Variants in CPQ observed in about 807,000 individuals in gnomAD.
The protein encoded by CPQ is carboxypeptidase Q.
Under a neutral mutation model 45.7 loss-of-function variants are expected in CPQ, and 37 were observed. That is an observed-to-expected ratio of 0.81 (90% CI 0.62 to 1.07). The LOEUF is 1.07. Ranked by LOEUF, CPQ falls within the 50% of genes least tolerant of loss-of-function variation. The pLI is 0.00. For synonymous variants in CPQ, 186 were observed against 205.8 expected, an observed-to-expected ratio of 0.90 and a Z score of 0.82; for missense variants, 537 against 572.9, an observed-to-expected ratio of 0.94 and a Z score of 0.64.
intron 1 of CPQ, among the ~76,000 whole-genome samples, chr8:96,721,341 C>A (rs1457544595): frequency 6.6e-6 from 1 of 151,996 alleles, no homozygotes; most frequent in Non-Finnish European, 1.5e-5. Flanking sequence ...AGTTTTTATT[C>A]TCTCAGAGAT....
chr8:97,054,891 CA>C (rs1379026726), intron 6 of CPQ, among the ~76,000 whole-genome samples: 1 of 151,574 alleles, frequency 6.6e-6, no homozygotes, highest in Non-Finnish European at 1.5e-5. Context: ...TCCATGTGAC[CA>C]AAAAACCACT....
intron 4 of CPQ, among the ~76,000 whole-genome samples, chr8:96,947,227 A>G (rs1813202754): frequency 6.6e-6 from 1 of 152,206 alleles, no homozygotes; most frequent in Non-Finnish European, 1.5e-5. Context: ...ACATGTATAT[A>G]TGCCATGTGC....
At position 96,857,869 on chromosome 8, in the gene CPQ, A is replaced by G. The variant is rs1811870763; in HGVS notation, c.642-21929A>G. Among the ~76,000 whole-genome samples, 3 of 152,218 alleles carry G rather than the reference A, an allele frequency of 2.0e-5. No individual in the cohort carries two copies. In the South Asian group the frequency reaches 6.2e-4, roughly 31 times the overall value. On this transcript the variant is annotated intron_variant, in intron 3 of 7. Transcript: ENST00000220763. ...GCTGTCAAAAACTGAGTTTAGCATCATGCTAAGCAGGCAGTATTCAATTCA... is the reference window on the plus strand; with the variant it reads ...GCTGTCAAAAACTGAGTTTAGCATCGTGCTAAGCAGGCAGTATTCAATTCA...
At chr8:96,709,211 A>G (rs1809574855) in intron 1 of CPQ, among the ~76,000 whole-genome samples, 1 of 152,014 alleles carries the variant, frequency 6.6e-6, no homozygotes, top group Non-Finnish European at 1.5e-5. Flanking sequence ...TGGACATTGT[A>G]CCCAATATGT....
intron 1 of CPQ, among the ~76,000 whole-genome samples, chr8:96,744,315 A>G (rs918732290): frequency 1.2e-4 from 18 of 152,358 alleles, no homozygotes; most frequent in African/African-American, 4.3e-4. Flanking sequence ...GAGTGAGGCA[A>G]TGCCTCGCCC....
At chr8:97,082,588 A>T (rs1366117946) in intron 7 of CPQ, among the ~76,000 whole-genome samples, 2 of 152,152 alleles carry the variant, frequency 1.3e-5, no homozygotes, top group Non-Finnish European at 2.9e-5. Flanking sequence ...AAATTAAAAC[A>T]CCTAGTCTCT....
Position 96,785,173 on chromosome 8 carries a change from C to T in CPQ, c.276C>T (p.Tyr92=). The part of the protein sequence containing the change: ...KNLEKAIQIM[Y]QNLQQDGLEK... ...TAGAAAAAGCCATCCAAATTATGTA[C>T]CAAAACCTGCAGCAAGATGGGCTGG... Residue 92 remains tyrosine, a synonymous_variant, in exon 2 of 8, where the codon TAC becomes TAT. Coordinates refer to ENST00000220763, the MANE Select transcript of CPQ (RefSeq NM_016134.4). 1 of 1,613,552 alleles carries T rather than the reference C, an allele frequency of 6.2e-7. No homozygotes were observed. Among genetic ancestry groups the T allele is most frequent in the Middle Eastern group, 1.7e-4 (1 of 6,054 alleles).
intron 6 of CPQ, among the ~76,000 whole-genome samples, chr8:97,043,996 C>T (rs949594522): frequency 2.6e-5 from 4 of 152,030 alleles, no homozygotes; most frequent in Non-Finnish European, 4.4e-5. Context: ...ATCTTTGTGG[C>T]GTTCTCTATA....
chr8:96,957,144 C>A (rs1443502839), intron 4 of CPQ, among the ~76,000 whole-genome samples: 1 of 152,150 alleles, frequency 6.6e-6, no homozygotes, highest in Non-Finnish European at 1.5e-5. Context: ...TCATAGGAAG[C>A]CATTCAGCTA....
intron 3 of CPQ, 31 bp downstream of exon 3, chr8:96,835,211 C>A (rs778948594): frequency 9.3e-6 from 13 of 1,396,708 alleles, no homozygotes; most frequent in Non-Finnish European, 1.0e-5. Flanking sequence ...GAATTCCTTT[C>A]AAAAACAAGG....
intron 7 of CPQ, among the ~76,000 whole-genome samples, chr8:97,122,973 AAATAAAAT>A (rs1484196507): frequency 1.2e-5 from 1 of 81,882 alleles, no homozygotes. Context: ...AAATAAAATA[AAATAAAAT>A]TAAAATAAAA....
chr8:97,125,446 C>T (rs1055794764), intron 7 of CPQ, among the ~76,000 whole-genome samples: 3 of 152,072 alleles, frequency 2.0e-5, no homozygotes, highest in African/African-American at 7.2e-5. Context: ...AACTATAGAC[C>T]AATATCCTTC....
intron 7 of CPQ, among the ~76,000 whole-genome samples, chr8:97,082,383 C>CA (rs34296926): frequency 0.091 from 13,865 of 152,202 alleles, 729 homozygotes; most frequent in South Asian, 0.11. Context: ...AGCCTGGCTC[C>CA]ATCCCTGTGG....
chr8:96,876,365 T>C (rs1812145338), intron 3 of CPQ, among the ~76,000 whole-genome samples: 1 of 152,092 alleles, frequency 6.6e-6, no homozygotes, highest in African/African-American at 2.4e-5. Flanking sequence ...AAAAAGATCA[T>C]GTCATCTGTG....
chr8:96,675,804 T>C (rs1809069932), intron 1 of CPQ, among the ~76,000 whole-genome samples: 1 of 152,038 alleles, frequency 6.6e-6, no homozygotes, highest in Non-Finnish European at 1.5e-5. Context: ...AGTTTAAGAA[T>C]CATTTGTATT....
intron 4 of CPQ, among the ~76,000 whole-genome samples, chr8:96,927,673 T>C (rs1188889688): frequency 2.0e-5 from 3 of 152,122 alleles, no homozygotes; most frequent in African/African-American, 7.2e-5. Context: ...CTATGCTGTC[T>C]CATTGGAGGG....
intron 1 of CPQ, among the ~76,000 whole-genome samples, chr8:96,659,096 G>A (rs905341683): frequency 6.6e-6 from 1 of 152,214 alleles, no homozygotes; most frequent in African/African-American, 2.4e-5. Flanking sequence ...TGCTCAGTTA[G>A]TATTAGCCAC....
chr8:96,842,959 C>A (rs1253836934), intron 3 of CPQ, among the ~76,000 whole-genome samples: 1 of 152,100 alleles, frequency 6.6e-6, no homozygotes, highest in Non-Finnish European at 1.5e-5. Flanking sequence ...GGCTGCAGTG[C>A]AAATGGCATG....
intron 7 of CPQ, among the ~76,000 whole-genome samples, chr8:97,123,025 AAATAAAATAAAATAAAAT>A (rs1811759462): frequency 1.0e-3 from 5 of 4,916 alleles, no homozygotes; most frequent in Non-Finnish European, 3.2e-3. Context: ...AAAATAAAAT[AAATAAAATAAAATAAAAT>A]AAATAAAATA....
Sources: gnomAD v4.1 joint callset for allele counts (sites outside exome capture counted in the v4.1 genomes callset) on GRCh38, gnomAD v4.1.1 for gene constraint, MANE v1.5 for transcripts, NCBI Gene and HGNC (gene_info 2026-07-23, HGNC 2026-07-21) for gene names.